Variants in GAB2 observed in about 807,000 individuals in gnomAD.
GAB2 encodes the protein GRB2-associated-binding protein 2.
A neutral mutation model predicts 65.5 loss-of-function variants in GAB2; 26 were observed. The observed-to-expected ratio is 0.40, with a 90% CI of 0.29 to 0.55. The LOEUF (loss-of-function observed/expected upper bound fraction) is 0.55, where lower values mean the gene tolerates loss of function less well. Ranked by LOEUF, GAB2 falls within the 20% of genes least tolerant of loss-of-function variation. GAB2 has a pLI of 0.53. For synonymous variants in GAB2, 321 were observed against 329.6 expected (o/e 0.97, Z 0.28); for missense variants, 884 against 875.8 (o/e 1.01, Z -0.12).
At chr11:78,263,959 G>T (rs1865804910) in intron 2 of GAB2, among the ~76,000 whole-genome samples, 1 of 150,474 alleles carries the variant, frequency 6.6e-6, no homozygotes, top group African/African-American at 2.4e-5. Context: ...ATAACTTCTG[G>T]GTATATTTTT....
At chr11:78,232,275 C>T (rs1864868903) in intron 3 of GAB2, among the ~76,000 whole-genome samples, 2 of 152,196 alleles carry the variant, frequency 1.3e-5, no homozygotes, top group African/African-American at 4.8e-5. Context: ...ATTCTGGAAT[C>T]TCACCAATGA....
chr11:78,288,117 T>C (rs10899455), intron 1 of GAB2, among the ~76,000 whole-genome samples: 34,048 of 151,030 alleles, frequency 0.23, 4,272 homozygotes, highest in East Asian at 0.4. Context: ...CAGTGGCTCA[T>C]GCCTGTAATC....
At chr11:78,262,505 C>G (rs1292706085) in intron 2 of GAB2, among the ~76,000 whole-genome samples, 3 of 152,188 alleles carry the variant, frequency 2.0e-5, no homozygotes, top group Non-Finnish European at 4.4e-5. Flanking sequence ...GAGGCAGGAT[C>G]TGTCGCAGAG....
At chr11:78,292,129 A>G (rs1315309415) in intron 1 of GAB2, among the ~76,000 whole-genome samples, 1 of 152,194 alleles carries the variant, frequency 6.6e-6, no homozygotes. Flanking sequence ...ATACCCGCCT[A>G]ACAGGTTTAA....
intron 1 of GAB2, among the ~76,000 whole-genome samples, chr11:78,382,546 G>A (rs1019356430): frequency 1.4e-4 from 22 of 151,822 alleles, no homozygotes; most frequent in African/African-American, 5.3e-4. Flanking sequence ...ATAACAATAG[G>A]GATACTTACA....
At chr11:78,366,414 C>T (rs894259524) in intron 1 of GAB2, among the ~76,000 whole-genome samples, 5 of 151,590 alleles carry the variant, frequency 3.3e-5, no homozygotes, top group Admixed American at 2.6e-4. Flanking sequence ...ATTAGATTTC[C>T]GTCTCTACTA....
intron 2 of GAB2, among the ~76,000 whole-genome samples, chr11:78,261,878 T>A (rs1339864662): frequency 2.0e-5 from 3 of 152,168 alleles, no homozygotes; most frequent in Non-Finnish European, 4.4e-5. Flanking sequence ...GTGGGTATAT[T>A]AAGTTCACAT....
intron 1 of GAB2, among the ~76,000 whole-genome samples, chr11:78,294,091 C>T (rs1367734934): frequency 1.3e-5 from 2 of 152,114 alleles, no homozygotes; most frequent in African/African-American, 4.8e-5. Context: ...ACAACAGGCC[C>T]TGGTGTGTGA....
chr11:78,394,798 G>C (rs1226745212), intron 1 of GAB2, among the ~76,000 whole-genome samples: 4 of 152,152 alleles, frequency 2.6e-5, no homozygotes, highest in African/African-American at 7.2e-5. Context: ...AGGGCCAGGT[G>C]GTACCAGAGA....
intron 1 of GAB2, 34 bp from the exon 2 acceptor site, chr11:78,280,935 G>A (rs546578924): frequency 6.4e-7 from 1 of 1,557,436 alleles, no homozygotes; most frequent in Non-Finnish European, 8.8e-7. Context: ...AGAAGAGGGG[G>A]AAGAAGTCAT....
intron 1 of GAB2, among the ~76,000 whole-genome samples, chr11:78,344,697 C>A (rs1456841767): frequency 6.6e-6 from 1 of 152,156 alleles, no homozygotes; most frequent in East Asian, 1.9e-4. Context: ...ACACAGTGAA[C>A]ACTTCTAAGA....
chr11:78,215,759 C>G lies in GAB2; in HGVS notation c.*3513G>C, dbSNP rs1425320489. 1 of 145,250 alleles carries G rather than the reference C, an allele frequency of 6.9e-6. No homozygotes were observed. Among genetic ancestry groups the G allele is most frequent in the Non-Finnish European group, 1.5e-5 (1 of 66,818 alleles). The allele number at this position is 145,250 out of a possible 1,614,324, so 9.0% of individuals were successfully genotyped here. On this transcript the variant is annotated 3_prime_UTR_variant, in exon 10 of 10. Transcript: ENST00000361507. ...AGGTCCTAAACAGCAGGGCTAGTCC[C>G]AGAAAGACGACCCCCCACGGAAGGG... is the stretch of plus-strand genomic sequence containing the variant.
chr11:78,312,286 TACCACCACC>T (rs558388058), intron 1 of GAB2, among the ~76,000 whole-genome samples: 1 of 151,798 alleles, frequency 6.6e-6, no homozygotes, highest in Admixed American at 6.6e-5. Context: ...GTGTGGTCTT[TACCACCACC>T]ACCACCACCA....
intron 1 of GAB2, among the ~76,000 whole-genome samples, chr11:78,346,128 T>C (rs1856175260): frequency 6.6e-6 from 1 of 152,144 alleles, no homozygotes; most frequent in Non-Finnish European, 1.5e-5. Context: ...TGTAAAAAAT[T>C]AAAAATAACT....
chr11:78,341,328 C>T (rs530301680), intron 1 of GAB2, among the ~76,000 whole-genome samples: 5 of 152,146 alleles, frequency 3.3e-5, no homozygotes, highest in South Asian at 2.1e-4. Context: ...TGGTAAATAT[C>T]GGAGAATGAC....
chr11:78,243,640 A>T (rs1865207760), intron 3 of GAB2, among the ~76,000 whole-genome samples: 1 of 151,758 alleles, frequency 6.6e-6, no homozygotes, highest in Non-Finnish European at 1.5e-5. Flanking sequence ...GGGGATCGAG[A>T]CCATCCTGGC....
At chr11:78,416,488 G>A (rs1377888934) in intron 1 of GAB2, among the ~76,000 whole-genome samples, 3 of 152,244 alleles carry the variant, frequency 2.0e-5, no homozygotes, top group Non-Finnish European at 4.4e-5. Context: ...TGGTGCAGCT[G>A]ACAGAGGGCA....
rs993725266 is a variant in GAB2, at chr11:78,350,460, C to A, written c.75+67186G>T. On this transcript the variant is annotated intron_variant, in intron 1 of 9. Transcript: ENST00000361507. ...TATAATCTCCCTAAACCCTCAGTTT[C>A]TCATGCACTTCCTCTTTGAGGATTG... Among the ~76,000 whole-genome samples the A allele has an allele frequency of 3.9e-5, 6 of 152,238 alleles. 1 individual carries two copies. The highest frequency in any genetic ancestry group is 5.9e-5 in the Non-Finnish European group (4 of 68,036).
At chr11:78,277,396 A>T (rs754343130) in intron 2 of GAB2, among the ~76,000 whole-genome samples, 54 of 152,188 alleles carry the variant, frequency 3.5e-4, no homozygotes, top group Admixed American at 7.2e-4. Flanking sequence ...GGCAACCATC[A>T]GGTGAGAGTC....
Sources: allele counts gnomAD v4.1 joint callset (sites outside exome capture counted in the v4.1 genomes callset), GRCh38; gene constraint gnomAD v4.1.1; transcripts MANE v1.5; gene names NCBI Gene and HGNC (gene_info 2026-07-23, HGNC 2026-07-21).